ENOX1: variants seen among roughly 807,000 people sequenced by gnomAD.
The protein encoded by ENOX1 is ecto-NOX disulfide-thiol exchanger 1.
Under a neutral mutation model 82.5 loss-of-function variants are expected in ENOX1, and 42 were observed. The observed-to-expected ratio is 0.51, with a 90% CI of 0.40 to 0.66. The LOEUF (loss-of-function observed/expected upper bound fraction) is 0.66. ENOX1 is among the 30% of genes least tolerant of loss of function. ENOX1 has a pLI of 0.00. For synonymous variants in ENOX1, 271 were observed against 282.2 expected (o/e 0.96, Z 0.40); for missense variants, 608 against 811.6 (o/e 0.75, Z 3.05).
intron 2 of ENOX1, among the ~76,000 whole-genome samples, chr13:43,601,508 G>T (rs762028823): frequency 6.6e-6 from 1 of 151,856 alleles, no homozygotes; most frequent in Non-Finnish European, 1.5e-5. Flanking sequence ...AAAGAAAAAA[G>T]AATCGAAAAG....
intron 14 of ENOX1, among the ~76,000 whole-genome samples, chr13:43,247,871 A>G (rs865951460): frequency 2.6e-4 from 1 of 3,842 alleles, no homozygotes; most frequent in African/African-American, 1.2e-3. Context: ...ATATATATAT[A>G]TATATATATA....
chr13:43,470,499 C>G (rs2058024420), intron 3 of ENOX1, among the ~76,000 whole-genome samples: 2 of 148,092 alleles, frequency 1.4e-5, no homozygotes, highest in Admixed American at 6.8e-5. Context: ...AATTAGACCT[C>G]AAAATTTAAA....
rs149977649 is a variant in ENOX1 at position 43,504,567 on chromosome 13, A to G, written c.-218-20415T>C. On this transcript the variant is annotated intron_variant, in intron 2 of 16. Coordinates refer to ENST00000690772, the MANE Select transcript of ENOX1 (RefSeq NM_001347969.2). ...ATGCTCAGTAAACTAGGCCAGGCAC[A>G]GAAGGAAAAATGCTACATGATACTA... Among the ~76,000 whole-genome samples the G allele has an allele frequency of 6.8e-4, 104 of 151,926 alleles. 1 individual carries two copies. The East Asian group carries it at 0.019, about 28-fold the overall frequency.
chr13:43,548,332 A>C (rs2079052430), intron 2 of ENOX1, among the ~76,000 whole-genome samples: 1 of 152,210 alleles, frequency 6.6e-6, no homozygotes, highest in South Asian at 2.1e-4. Context: ...ATAGAAACCA[A>C]ATTCAATGTG....
intron 3 of ENOX1, among the ~76,000 whole-genome samples, chr13:43,467,581 G>A (rs1566297157): frequency 6.6e-6 from 1 of 151,436 alleles, no homozygotes; most frequent in Non-Finnish European, 1.5e-5. Context: ...TATAAAATTT[G>A]CAAATATTTT....
At chr13:43,729,460 T>C (rs1289411696) in intron 1 of ENOX1, among the ~76,000 whole-genome samples, 1 of 152,146 alleles carries the variant, frequency 6.6e-6, no homozygotes, top group Non-Finnish European at 1.5e-5. Context: ...AAAAAAATGA[T>C]TTGGAAACAT....
chr13:43,437,321 C>A (rs1219265928), intron 3 of ENOX1, among the ~76,000 whole-genome samples: 1 of 152,088 alleles, frequency 6.6e-6, no homozygotes, highest in Non-Finnish European at 1.5e-5. Flanking sequence ...ACTCACCAAC[C>A]CAGAGCTAGC....
At chr13:43,396,498 G>A (rs2053159959) in intron 5 of ENOX1, among the ~76,000 whole-genome samples, 2 of 152,160 alleles carry the variant, frequency 1.3e-5, no homozygotes, top group Non-Finnish European at 1.5e-5. Context: ...TCCTGTGTCA[G>A]CCTCCTGAGT....
intron 12 of ENOX1, among the ~76,000 whole-genome samples, chr13:43,287,910 C>A (rs1225536078): frequency 6.6e-6 from 1 of 152,160 alleles, no homozygotes; most frequent in Non-Finnish European, 1.5e-5. Context: ...ATGGAGCCAA[C>A]CGTTCCTTCA....
At chr13:43,725,878 G>T (rs956671154) in intron 1 of ENOX1, among the ~76,000 whole-genome samples, 1 of 151,938 alleles carries the variant, frequency 6.6e-6, no homozygotes, top group East Asian at 1.9e-4. Context: ...GAGACAGGAG[G>T]GTTGCTTGAG....
At chr13:43,776,986 G>A (rs1054935322) in intron 1 of ENOX1, among the ~76,000 whole-genome samples, 1 of 152,214 alleles carries the variant, frequency 6.6e-6, no homozygotes, top group African/African-American at 2.4e-5. Context: ...AAGGAATGCT[G>A]TACCCAACAC....
chr13:43,290,047 T>C (rs1035455834), intron 12 of ENOX1, among the ~76,000 whole-genome samples: 1 of 152,104 alleles, frequency 6.6e-6, no homozygotes, highest in Non-Finnish European at 1.5e-5. Context: ...CCAGTCAGAA[T>C]GGTTATCATT....
chr13:43,665,882 C>T (rs919226566), intron 2 of ENOX1, among the ~76,000 whole-genome samples: 2 of 149,568 alleles, frequency 1.3e-5, no homozygotes, highest in African/African-American at 5.0e-5. Context: ...ATAGTCCTTG[C>T]CATTCGCTAA....
intron 2 of ENOX1, among the ~76,000 whole-genome samples, chr13:43,640,025 T>A (rs1264456526): frequency 6.6e-6 from 1 of 152,184 alleles, no homozygotes; most frequent in East Asian, 1.9e-4. Context: ...CAAGACTCTG[T>A]CTCAAAACTA....
At chr13:43,366,362 C>T (rs2050847548) in intron 5 of ENOX1, among the ~76,000 whole-genome samples, 1 of 152,092 alleles carries the variant, frequency 6.6e-6, no homozygotes, top group Non-Finnish European at 1.5e-5. Flanking sequence ...GCAAGCTCCG[C>T]CTCCTGGGTT....
At chr13:43,611,798 C>T (rs931774279) in intron 2 of ENOX1, among the ~76,000 whole-genome samples, 2 of 152,192 alleles carry the variant, frequency 1.3e-5, no homozygotes, top group Non-Finnish European at 2.9e-5. Flanking sequence ...GTAAACCTCC[C>T]AGCAGCTGGG....
chr13:43,465,341 G>T (rs2057671386), intron 3 of ENOX1, among the ~76,000 whole-genome samples: 1 of 152,170 alleles, frequency 6.6e-6, no homozygotes, highest in Non-Finnish European at 1.5e-5. Flanking sequence ...CAAATACCAT[G>T]TTATTTATTT....
intron 2 of ENOX1, among the ~76,000 whole-genome samples, chr13:43,639,714 T>C (rs577487761): frequency 1.4e-4 from 22 of 152,304 alleles, no homozygotes; most frequent in African/African-American, 4.8e-4. Context: ...TTAGAATTTT[T>C]TTCAATGCTA....
At chr13:43,479,609 G>A (rs749762834) in intron 3 of ENOX1, among the ~76,000 whole-genome samples, 1 of 152,220 alleles carries the variant, frequency 6.6e-6, no homozygotes, top group African/African-American at 2.4e-5. Flanking sequence ...TTCTTCGAAA[G>A]AGTCTATCCA....
Sources: allele counts gnomAD v4.1 joint callset (sites outside exome capture counted in the v4.1 genomes callset), GRCh38; gene constraint gnomAD v4.1.1; transcripts MANE v1.5; gene names NCBI Gene and HGNC (gene_info 2026-07-23, HGNC 2026-07-21).